RTN1: variants seen among roughly 807,000 people sequenced by gnomAD.
The protein encoded by RTN1 is reticulon-1.
In RTN1, 25 loss-of-function variants were observed where a neutral mutation model predicts 65.5. The observed-to-expected ratio is 0.38, with a 90% CI of 0.28 to 0.53. The LOEUF is 0.53. RTN1 is among the 20% of genes least tolerant of loss of function. The pLI is 0.79. For missense variants in RTN1, 983 were observed against 1,025.4 expected, an observed-to-expected ratio of 0.96 and a Z score of 0.57; for synonymous variants, 471 against 447.6, an observed-to-expected ratio of 1.05 and a Z score of -0.66.
chr14:59,812,608 T>C (rs1283295503), intron 1 of RTN1, among the ~76,000 whole-genome samples: 1 of 152,238 alleles, frequency 6.6e-6, no homozygotes, highest in Non-Finnish European at 1.5e-5. Context: ...TGTGTGCATG[T>C]GTGCCTTGTG....
At chr14:59,644,525 T>G (rs1429420570) in intron 3 of RTN1, among the ~76,000 whole-genome samples, 1 of 152,138 alleles carries the variant, frequency 6.6e-6, no homozygotes, top group Non-Finnish European at 1.5e-5. Flanking sequence ...GAGCTTTAGA[T>G]ACCCGGGCTT....
chr14:59,678,633 T>C (rs963855553), intron 3 of RTN1, among the ~76,000 whole-genome samples: 11 of 152,104 alleles, frequency 7.2e-5, no homozygotes, highest in African/African-American at 2.2e-4. Context: ...GAGCTGAAGG[T>C]TCCTTGCTGG....
At chr14:59,793,636 CCACACACACACACA>C (rs766243780) in intron 1 of RTN1, among the ~76,000 whole-genome samples, 25 of 144,214 alleles carry the variant, frequency 1.7e-4, no homozygotes, top group Non-Finnish European at 2.1e-4. Context: ...CAGGCACACA[CCACACACACACACA>C]CACACACACA....
Position 59,750,161 on chromosome 14 carries a change from T to TA in RTN1, c.242-3681dup, listed in dbSNP as rs1885431529. On this transcript the variant is annotated intron_variant, in intron 1 of 8. Coordinates refer to ENST00000267484, the MANE Select transcript of RTN1 (RefSeq NM_021136.3). ...TATAATATATATATTATAGATAATA[T>TA]ATATTATATCTATAATATATAATAC... Among the ~76,000 whole-genome samples, 5 of 67,190 alleles carry TA rather than the reference T, an allele frequency of 7.4e-5. No homozygotes were observed. The East Asian group carries it at 2.2e-3, about 29-fold the overall frequency. 44.1% of individuals were successfully genotyped at this position (67,190 alleles called of 152,430 possible).
chr14:59,671,534 C>G (rs78722492), intron 3 of RTN1, among the ~76,000 whole-genome samples: 2 of 152,110 alleles, frequency 1.3e-5, no homozygotes, highest in African/African-American at 4.8e-5. Flanking sequence ...TTTATTTAAT[C>G]CTCACAACAG....
intron 1 of RTN1, among the ~76,000 whole-genome samples, chr14:59,764,542 G>A (rs546947737): frequency 3.3e-5 from 5 of 152,074 alleles, no homozygotes; most frequent in Non-Finnish European, 5.9e-5. Context: ...GGGTGGTCTC[G>A]AACTCCTGAC....
chr14:59,685,619 T>C (rs1883830715), intron 3 of RTN1, among the ~76,000 whole-genome samples: 1 of 152,176 alleles, frequency 6.6e-6, no homozygotes, highest in African/African-American at 2.4e-5. Context: ...GTTAAATGTA[T>C]ATCTCTACAC....
chr14:59,849,654 G>A lies in RTN1; in HGVS notation c.241+20736C>T, dbSNP rs556334081. Reference sequence around the variant, plus strand: ...GGCCCTGTACAGAACCCCAAGAATGGCTCCTACTCCTGAGCCCCAGTGGCC... The same window carrying A: ...GGCCCTGTACAGAACCCCAAGAATGACTCCTACTCCTGAGCCCCAGTGGCC... On this transcript the variant is annotated intron_variant, in intron 1 of 8. Transcript: ENST00000267484. The surrounding 1 kb of genome is among the most constrained non-coding windows in gnomAD (Gnocchi z 4.5). Among the ~76,000 whole-genome samples the A allele has an allele frequency of 1.6e-4, 25 of 152,222 alleles. No individual in the cohort carries two copies. In the South Asian group the frequency reaches 5.2e-3, roughly 32 times the overall value.
At chr14:59,757,646 C>T (rs191003408) in intron 1 of RTN1, among the ~76,000 whole-genome samples, 1 of 152,262 alleles carries the variant, frequency 6.6e-6, no homozygotes, top group African/African-American at 2.4e-5. Flanking sequence ...CAAGGGAGCG[C>T]CTTTGTTTCT....
chr14:59,741,143 C>T (rs530644440), intron 2 of RTN1, among the ~76,000 whole-genome samples: 1 of 152,306 alleles, frequency 6.6e-6, no homozygotes, highest in Admixed American at 6.5e-5. Context: ...CAAGTCTGAT[C>T]CTGCCACACT....
chr14:59,717,460 C>G (rs1378252183), intron 3 of RTN1, among the ~76,000 whole-genome samples: 2 of 152,174 alleles, frequency 1.3e-5, no homozygotes, highest in African/African-American at 2.4e-5. Context: ...CACTCCTCTC[C>G]CTCTCCTGCT....
intron 8 of RTN1, among the ~76,000 whole-genome samples, chr14:59,598,109 T>G: frequency 6.6e-6 from 1 of 151,692 alleles, no homozygotes; most frequent in Non-Finnish European, 1.5e-5. Context: ...GTAGAAGCAA[T>G]GAACAGAGGG....
At chr14:59,796,219 G>T (rs1244606906) in intron 1 of RTN1, among the ~76,000 whole-genome samples, 1 of 152,136 alleles carries the variant, frequency 6.6e-6, no homozygotes, top group Non-Finnish European at 1.5e-5. Flanking sequence ...ATGCTATACA[G>T]GTTTGTGGCC....
intron 3 of RTN1, among the ~76,000 whole-genome samples, chr14:59,716,857 A>G (rs912833357): frequency 1.3e-5 from 2 of 151,740 alleles, no homozygotes; most frequent in African/African-American, 4.8e-5. Flanking sequence ...AGTCCCAGCT[A>G]CTCGGGAGGC....
intron 3 of RTN1, among the ~76,000 whole-genome samples, chr14:59,708,727 A>G (rs1361707772): frequency 1.3e-5 from 2 of 152,238 alleles, no homozygotes; most frequent in Non-Finnish European, 2.9e-5. Context: ...TTCTCACTGA[A>G]TCTGAGGGGT....
intron 3 of RTN1, among the ~76,000 whole-genome samples, chr14:59,697,706 C>G (rs1884090840): frequency 6.6e-6 from 1 of 152,104 alleles, no homozygotes; most frequent in Non-Finnish European, 1.5e-5. Context: ...TAGCTTATTC[C>G]TAGCACATTA....
intron 3 of RTN1, among the ~76,000 whole-genome samples, chr14:59,679,405 T>C (rs1225836682): frequency 6.6e-6 from 1 of 152,202 alleles, no homozygotes; most frequent in Non-Finnish European, 1.5e-5. Context: ...ACTGGAGCTC[T>C]AACTTTTCTC....
chr14:59,690,129 T>A (rs954402422), intron 3 of RTN1, among the ~76,000 whole-genome samples: 2 of 151,950 alleles, frequency 1.3e-5, no homozygotes, highest in African/African-American at 4.8e-5. Context: ...TAACCTAGAA[T>A]GCAAATGCCC....
At chr14:59,753,021 C>A (rs1372438566) in intron 1 of RTN1, among the ~76,000 whole-genome samples, 1 of 152,164 alleles carries the variant, frequency 6.6e-6, no homozygotes, top group African/African-American at 2.4e-5. Context: ...TCCCTTCCAA[C>A]TTTCCATGAT....
Sources: allele counts gnomAD v4.1 joint callset (sites outside exome capture counted in the v4.1 genomes callset), GRCh38; gene constraint gnomAD v4.1.1; non-coding constraint Gnocchi (gnomAD v3.1); transcripts MANE v1.5; gene names NCBI Gene and HGNC (gene_info 2026-07-23, HGNC 2026-07-21).